The following OSBPL9 variants were observed in gnomAD, a reference collection of about 807,000 sequenced individuals.
OSBPL9 encodes oxysterol-binding protein-related protein 9.
A neutral mutation model predicts 106.6 loss-of-function variants in OSBPL9; 40 were observed. That is an observed-to-expected ratio of 0.38 (90% CI 0.29 to 0.49). The LOEUF (loss-of-function observed/expected upper bound fraction) is 0.49. Among genes scored for constraint, OSBPL9 ranks in the 20% least tolerant of loss-of-function variants. The probability of loss-of-function intolerance (pLI) is 0.97; values close to 1 mark genes in which losing one functional copy is unlikely to be tolerated. For missense variants in OSBPL9, 609 were observed against 887.2 expected, an observed-to-expected ratio of 0.69 and a Z score of 3.98; for synonymous variants, 269 against 295.4, an observed-to-expected ratio of 0.91 and a Z score of 0.92.
chr1:51,746,296 G>A (rs1368763746), intron 5 of OSBPL9, among the ~76,000 whole-genome samples: 1 of 152,100 alleles, frequency 6.6e-6, no homozygotes, highest in Non-Finnish European at 1.5e-5. Flanking sequence ...ATATGGGGAG[G>A]TGATTTCTCT....
intron 1 of OSBPL9, among the ~76,000 whole-genome samples, chr1:51,629,287 A>G (rs974861184): frequency 6.6e-6 from 1 of 152,134 alleles, no homozygotes; most frequent in Non-Finnish European, 1.5e-5. Flanking sequence ...TATGAATAGA[A>G]TGTAAGTTCC....
chr1:51,730,436 T>C (rs1017161547), intron 4 of OSBPL9, among the ~76,000 whole-genome samples: 10 of 152,222 alleles, frequency 6.6e-5, no homozygotes, highest in African/African-American at 2.4e-4. Context: ...GGTGGTGGTT[T>C]ATTTTTGGCA....
At chr1:51,694,944 C>T (rs190502965) in intron 3 of OSBPL9, among the ~76,000 whole-genome samples, 66 of 152,210 alleles carry the variant, frequency 4.3e-4, no homozygotes, top group African/African-American at 1.6e-3. Context: ...AAATGTTTGC[C>T]AAACACCCGA....
At chr1:51,602,018 C>CTTTTTTTTTTTTTT (rs758760414) in intron 2 of OSBPL9, among the ~76,000 whole-genome samples, 897 of 76,380 alleles carry the variant, frequency 0.012, 146 homozygotes, top group Middle Eastern at 0.019. Context: ...TCTTGGGGTT[C>CTTTTTTTTTTTTTT]TTTTTTTTTT....
At chr1:51,781,466 G>T in intron 16 of OSBPL9, 131 bp downstream of exon 16, 1 of 901,016 alleles carries the variant, frequency 1.1e-6, no homozygotes. Context: ...ATTGTTGTTA[G>T]AGCAGCATAG....
chr1:51,595,627 A>C (rs1267718170), intron 1 of OSBPL9, among the ~76,000 whole-genome samples: 1 of 152,162 alleles, frequency 6.6e-6, no homozygotes, highest in African/African-American at 2.4e-5. Flanking sequence ...TTGTAAATTC[A>C]TGTCATTTCT....
At chr1:51,734,833 C>T (rs929329907) in intron 4 of OSBPL9, among the ~76,000 whole-genome samples, 11 of 152,156 alleles carry the variant, frequency 7.2e-5, no homozygotes, top group African/African-American at 2.7e-4. Context: ...CGCCTTTCCC[C>T]CCCAAACCCT....
At position 51,748,413 on chromosome 1, in the gene OSBPL9, T is replaced by C. The variant is rs1668487341; in HGVS notation, c.492+15T>C. On this transcript the variant is annotated intron_variant, in intron 7 of 23. Transcript: ENST00000428468. Reference sequence around the variant, plus strand: ...AGACAACAAATGTAAGTTATATGTTTGATACATTCTGACTTTGCATTAGAA... The same window carrying C: ...AGACAACAAATGTAAGTTATATGTTCGATACATTCTGACTTTGCATTAGAA... 7 of 1,480,812 alleles carry C rather than the reference T, an allele frequency of 4.7e-6. No individual in the cohort carries two copies. The South Asian group carries it at 1.0e-4, about 22-fold the overall frequency. The allele number at this position is 1,480,812 out of a possible 1,614,324, so 91.7% of individuals were successfully genotyped here.
the OSBPL9 span, among the ~76,000 whole-genome samples, chr1:51,570,096 C>T: frequency 2.0e-5 from 3 of 152,184 alleles, no homozygotes; most frequent in Non-Finnish European, 4.4e-5. Context: ...CTTTACAAAA[C>T]AAAGGCCTGT....
At chr1:51,536,289 T>TA in the OSBPL9 span, among the ~76,000 whole-genome samples, 2 of 152,140 alleles carry the variant, frequency 1.3e-5, no homozygotes, top group Non-Finnish European at 1.5e-5. Context: ...TCATGACTTT[T>TA]AAAAAGGTTT....
At position 51,766,017 on chromosome 1, in the gene OSBPL9, C is replaced by T. The variant is rs549505559; in HGVS notation, c.938+36C>T. On this transcript the variant is annotated intron_variant, in intron 12 of 23. Coordinates refer to ENST00000428468, the MANE Select transcript of OSBPL9 (RefSeq NM_024586.6). ...GAACAGAATATGTATTTAAATGATT[C>T]TCCTGATTTTTAAAAATCTAATTTG... is the stretch of plus-strand genomic sequence containing the variant. 2.0e-6 allele frequency: 3 copies of T among 1,523,590 alleles called. No homozygotes were observed. The South Asian group carries it at 3.8e-5, about 19-fold the overall frequency. 94.4% of individuals were successfully genotyped at this position (1,523,590 alleles called of 1,614,324 possible). A position where few individuals can be genotyped will look rare whatever the true frequency, so the allele number is the denominator to read the frequency against.
intron 3 of OSBPL9, among the ~76,000 whole-genome samples, chr1:51,698,146 C>G (rs778451324): frequency 6.6e-6 from 1 of 152,106 alleles, no homozygotes; most frequent in Non-Finnish European, 1.5e-5. Flanking sequence ...ATTTAAGTAT[C>G]TTGCCCAAGG....
At chr1:51,550,263 C>T in the OSBPL9 span, among the ~76,000 whole-genome samples, 5 of 152,142 alleles carry the variant, frequency 3.3e-5, no homozygotes, top group African/African-American at 7.2e-5. Context: ...CATGATGACA[C>T]GTGAGCAGGT....
intron 1 of OSBPL9, among the ~76,000 whole-genome samples, chr1:51,638,609 C>T (rs375557854): frequency 2.4e-4 from 37 of 151,950 alleles, no homozygotes; most frequent in African/African-American, 8.7e-4. Flanking sequence ...GTGGCTCATA[C>T]CTGTAATCCT....
intron 21 of OSBPL9, 107 bp from the exon 22 acceptor site, chr1:51,786,419 T>G: frequency 1.4e-6 from 1 of 692,340 alleles, no homozygotes; most frequent in Admixed American, 2.7e-5. Flanking sequence ...GCCAGTTAAC[T>G]GCATTTTGGA....
At chr1:51,587,225 C>T (rs1024763415) in intron 1 of OSBPL9, among the ~76,000 whole-genome samples, 1 of 152,110 alleles carries the variant, frequency 6.6e-6, no homozygotes, top group Middle Eastern at 3.2e-3. Flanking sequence ...ATTAGCTAGG[C>T]GTGGTGGCAT....
At position 51,781,289 on chromosome 1, in the gene OSBPL9, T is replaced by C. The variant is rs142910192; in HGVS notation, c.1382T>C (p.Ile461Thr). Residue 461 changes from isoleucine (I) to threonine (T), a missense_variant, in exon 16 of 24, where the codon ATT (isoleucine) becomes ACT (threonine). Transcript: ENST00000428468. The part of the protein sequence containing the change: ...KKPYNPILGE[I>T]FQCHWTLPND... ...CCATACAATCCCATTTTGGGCGAGA[T>C]TTTTCAGTGTCATTGGACATTACCA... is the stretch of plus-strand genomic sequence containing the variant. 1.2e-6 allele frequency: 2 copies of C among 1,614,134 alleles called. No homozygotes were observed. The highest frequency in any genetic ancestry group is 1.7e-6 in the Non-Finnish European group (2 of 1,180,000).
chr1:51,564,113 G>C, the OSBPL9 span, among the ~76,000 whole-genome samples: 3,701 of 122,120 alleles, frequency 0.03, 108 homozygotes, highest in East Asian at 0.15. Context: ...GAAAAGAAAA[G>C]AAAACGGGGG....
At chr1:51,681,812 A>G (rs962280404) in intron 3 of OSBPL9, among the ~76,000 whole-genome samples, 4 of 152,144 alleles carry the variant, frequency 2.6e-5, no homozygotes, top group African/African-American at 4.8e-5. Flanking sequence ...CTATTCTCCT[A>G]TATACTTTAA....
Sources: allele counts gnomAD v4.1 joint callset (sites outside exome capture counted in the v4.1 genomes callset), GRCh38; gene constraint gnomAD v4.1.1; transcripts MANE v1.5; gene names NCBI Gene and HGNC (gene_info 2026-07-23, HGNC 2026-07-21).